The following SHOC2 variants were observed in gnomAD, a reference collection of about 807,000 sequenced individuals.
SHOC2 encodes the protein SHOC2 leucine rich repeat scaffold protein.
SHOC2 carries 4 observed loss-of-function variants against 50.2 expected under a neutral mutation model. The ratio of observed to expected loss-of-function variants is 0.08; its 90% CI spans 0.04 to 0.18. The LOEUF (loss-of-function observed/expected upper bound fraction) is 0.18. Ranked by LOEUF, SHOC2 falls within the 10% of genes least tolerant of loss-of-function variation. The pLI is 1.00. For synonymous variants in SHOC2, 218 were observed against 244.5 expected, an observed-to-expected ratio of 0.89 and a Z score of 1.01; for missense variants, 388 against 669.6, an observed-to-expected ratio of 0.58 and a Z score of 4.64.
At chr10:110,995,175 G>T (rs1848247993) in intron 3 of SHOC2, among the ~76,000 whole-genome samples, 1 of 152,270 alleles carries the variant, frequency 6.6e-6, no homozygotes, top group South Asian at 2.1e-4. Flanking sequence ...AATGCCTATT[G>T]TATGCTTAGC....
At chr10:110,955,250 G>T (rs1333582126) in intron 1 of SHOC2, among the ~76,000 whole-genome samples, 1 of 152,144 alleles carries the variant, frequency 6.6e-6, no homozygotes, top group Non-Finnish European at 1.5e-5. Context: ...TACGGTGAAG[G>T]CAATGAATGT....
chr10:110,986,193 A>G (rs1461420382), intron 3 of SHOC2, among the ~76,000 whole-genome samples: 1 of 152,202 alleles, frequency 6.6e-6, no homozygotes, highest in Non-Finnish European at 1.5e-5. Context: ...TTTATCTGTA[A>G]TACTAAGGGG....
chr10:111,004,665 G>C lies in SHOC2; in HGVS notation c.1032G>C (p.Gln344His). The change falls in exon 5 of 9, where the codon CAG becomes CAC. Residue 344 changes from glutamine (Q) to histidine (H), a missense_variant. This residue lies in a region of SHOC2 where 48 missense variants were observed against 151.6 expected (regional missense o/e 0.32). Transcript: ENST00000369452. The stretch of plus-strand genomic sequence containing the variant: ...TGACCTTAGCTAGAAATTGCTTCCA[G>C]TTGTATCCAGTGGGTGGTCCATCTC... The part of the protein sequence containing the change: ...NSLTLARNCF[Q>H]LYPVGGPSQF... The C allele has an allele frequency of 6.2e-7, 1 of 1,613,402 alleles. No homozygotes were observed. Among genetic ancestry groups the C allele is most frequent in the Middle Eastern group, 1.6e-4 (1 of 6,062 alleles).
intron 1 of SHOC2, among the ~76,000 whole-genome samples, chr10:110,961,844 CATT>C (rs1564713646): frequency 1.3e-5 from 2 of 152,006 alleles, no homozygotes; most frequent in Admixed American, 1.3e-4. Context: ...CTTCAACCTT[CATT>C]GTTTTTTAAT....
At chr10:110,938,622 A>G (rs919209042) in intron 1 of SHOC2, among the ~76,000 whole-genome samples, 9 of 152,198 alleles carry the variant, frequency 5.9e-5, no homozygotes, top group African/African-American at 1.4e-4. Flanking sequence ...GATATCTTCT[A>G]TGTAATATAA....
At chr10:110,920,706 G>A (rs529015676) in intron 1 of SHOC2, among the ~76,000 whole-genome samples, 5 of 152,296 alleles carry the variant, frequency 3.3e-5, no homozygotes, top group African/African-American at 1.2e-4. Flanking sequence ...GCTTTGTATC[G>A]TAATGGGGGT....
At chr10:110,994,454 A>G (rs539868591) in intron 3 of SHOC2, among the ~76,000 whole-genome samples, 8 of 152,358 alleles carry the variant, frequency 5.3e-5, no homozygotes, top group African/African-American at 1.9e-4. Flanking sequence ...ACAAAGATAC[A>G]TGTCTAGGGG....
At chr10:111,006,671 C>T (rs980503896) in intron 5 of SHOC2, among the ~76,000 whole-genome samples, 7 of 152,162 alleles carry the variant, frequency 4.6e-5, no homozygotes, top group Non-Finnish European at 5.9e-5. Flanking sequence ...CGCCCGGCCG[C>T]AAATTTTAAA....
At chr10:110,958,632 T>C (rs1847514170) in intron 1 of SHOC2, among the ~76,000 whole-genome samples, 1 of 152,220 alleles carries the variant, frequency 6.6e-6, no homozygotes, top group Non-Finnish European at 1.5e-5. Flanking sequence ...TCTTTATTTC[T>C]AGCCCAGACC....
At position 111,004,771 on chromosome 10, in the gene SHOC2, G is replaced by T. The variant is rs1326929249; in HGVS notation, c.1138G>T (p.Val380Leu). The change falls in exon 5 of 9, where the codon GTA becomes TTA. Residue 380 changes from valine (V) to leucine (L), a missense_variant. By Grantham distance (32) the Val-to-Leu change is conservative. Coordinates refer to ENST00000369452, the MANE Select transcript of SHOC2 (RefSeq NM_007373.4). ...IPFGIFSRAK[V>L]LSKLNMKDNQ... ...ATTTGGAATTTTCTCCAGAGCAAAA[G>T]TATTAAGTAAGCTGAATATGAAGGT... is the stretch of plus-strand genomic sequence containing the variant. 6.2e-7 allele frequency: 1 copy of T among 1,611,330 alleles called. No homozygotes were observed. Among genetic ancestry groups the T allele is most frequent in the African/African-American group, 1.3e-5 (1 of 74,818 alleles).
intron 6 of SHOC2, among the ~76,000 whole-genome samples, chr10:111,008,417 G>T (rs1426106895): frequency 6.6e-6 from 1 of 151,682 alleles, no homozygotes; most frequent in Non-Finnish European, 1.5e-5. Flanking sequence ...GGGCTTTGAA[G>T]TCAAACAAAG....
intron 1 of SHOC2, among the ~76,000 whole-genome samples, chr10:110,957,205 T>C (rs1005553479): frequency 5.9e-5 from 9 of 152,240 alleles, no homozygotes; most frequent in Admixed American, 3.9e-4. Flanking sequence ...AAATATGTTA[T>C]TGTAGTCAGC....
In SHOC2 at chr10:111,011,992, A is replaced by C; in HGVS notation, c.*174A>C. On this transcript the variant is annotated 3_prime_UTR_variant, in exon 9 of 9. Transcript: ENST00000369452. ...ATTTAGAATTTTTTTTAAATTCTGT[A>C]CAAAAGGCTTATATAAGTTTTCTTT... 1.6e-6 allele frequency: 1 copy of C among 619,662 alleles called. No individual in the cohort carries two copies. Among genetic ancestry groups the C allele is most frequent in the South Asian group, 2.0e-5 (1 of 49,880 alleles). 38.4% of individuals were successfully genotyped at this position (619,662 alleles called of 1,614,324 possible). A position where few individuals can be genotyped will look rare whatever the true frequency, so the allele number is the denominator to read the frequency against.
At chr10:110,923,635 C>A (rs1230029158) in intron 1 of SHOC2, among the ~76,000 whole-genome samples, 2 of 152,072 alleles carry the variant, frequency 1.3e-5, no homozygotes, top group South Asian at 4.1e-4. Context: ...AAGGTCAGAA[C>A]TGATTGCAAA....
Position 110,964,992 on chromosome 10 carries a change from A to C in SHOC2, c.634A>C (p.Lys212Gln). ...NRITTVEKDIKNLSKLSMLSI... is the reference protein window; with the variant it reads ...NRITTVEKDIQNLSKLSMLSI... ...TATAACTACTGTGGAAAAGGACATC[A>C]AAAACTTGTCAAAACTCAGCATGCT... The change falls in exon 2 of 9, where the codon AAA becomes CAA. Residue 212 changes from lysine to glutamine, a missense_variant. Physicochemically the swap from Lys to Gln is moderately conservative, Grantham distance 53. This residue lies in a region of SHOC2 where 88 missense variants were observed against 147.2 expected (regional missense o/e 0.60). Transcript: ENST00000369452. The surrounding 1 kb of genome is among the most constrained non-coding windows in gnomAD (Gnocchi z 4.9). 1 of 1,613,812 alleles carries C rather than the reference A, an allele frequency of 6.2e-7. No homozygotes were observed. Among genetic ancestry groups the C allele is most frequent in the African/African-American group, 1.3e-5 (1 of 75,030 alleles).
rs760202421 is a variant in SHOC2 at position 111,000,333 on chromosome 10, ATAGT to A, written c.842-77_842-74del. The stretch of plus-strand genomic sequence containing the variant: ...AACAGTACTTTGAAGTAATTTGTAA[ATAGT>A]TAGTAGATAGCCTGTGACAGTGAGA... On this transcript the variant is annotated intron_variant, in intron 3 of 8. Transcript: ENST00000369452. 1,210 of 1,386,564 alleles carry A rather than the reference ATAGT, an allele frequency of 8.7e-4. 5 individuals are homozygous for A. The highest frequency in any genetic ancestry group is 3.1e-3 in the South Asian group (267 of 85,258). 85.9% of individuals were successfully genotyped at this position (1,386,564 alleles called of 1,614,324 possible). A position where few individuals can be genotyped will look rare whatever the true frequency, so the allele number is the denominator to read the frequency against.
At chr10:110,993,173 A>T (rs1053711240) in intron 3 of SHOC2, among the ~76,000 whole-genome samples, 1 of 152,230 alleles carries the variant, frequency 6.6e-6, no homozygotes, top group Non-Finnish European at 1.5e-5. Context: ...CTACGTTTAT[A>T]TACAGGAGCT....
intron 3 of SHOC2, among the ~76,000 whole-genome samples, chr10:110,989,549 C>G (rs2134154666): frequency 6.6e-6 from 1 of 152,290 alleles, no homozygotes; most frequent in East Asian, 1.9e-4. Context: ...CCTTGAGGAT[C>G]TCAGTAGAAC....
At chr10:111,000,327 T>C (rs753103303) in intron 3 of SHOC2, 88 bp from the exon 4 acceptor site, 74 of 1,332,792 alleles carry the variant, frequency 5.6e-5, no homozygotes, top group Non-Finnish European at 7.6e-5. Flanking sequence ...TTGAAGTAAT[T>C]TGTAAATAGT....
Sources: gnomAD v4.1 joint callset for allele counts (sites outside exome capture counted in the v4.1 genomes callset) on GRCh38, gnomAD v4.1.1 for gene constraint, gnomAD v4.1.1 regional missense constraint, Gnocchi (gnomAD v3.1) non-coding constraint, MANE v1.5 for transcripts, NCBI Gene and HGNC (gene_info 2026-07-23, HGNC 2026-07-21) for gene names.